The following TAF1A variants were observed in gnomAD, a reference collection of about 807,000 sequenced individuals.
The protein encoded by TAF1A is TATA-box binding protein associated factor, RNA polymerase I subunit A.
A neutral mutation model predicts 61.6 loss-of-function variants in TAF1A; 42 were observed. The ratio of observed to expected loss-of-function variants is 0.68; its 90% CI spans 0.53 to 0.88. The LOEUF is 0.88. TAF1A is among the 40% of genes least tolerant of loss of function. TAF1A has a pLI of 0.00. For synonymous variants in TAF1A, 179 were observed against 177.7 expected, an observed-to-expected ratio of 1.01 and a Z score of -0.06; for missense variants, 424 against 518.7, an observed-to-expected ratio of 0.82 and a Z score of 1.77.
chr1:222,580,943 G>A (rs902836970), intron 3 of TAF1A, among the ~76,000 whole-genome samples: 4 of 152,080 alleles, frequency 2.6e-5, no homozygotes, highest in Non-Finnish European at 4.4e-5. Flanking sequence ...ACGAGGTCAG[G>A]AGAGTGAGAC....
intron 2 of TAF1A, 121 bp downstream of exon 2, chr1:222,588,322 C>A: frequency 7.8e-7 from 1 of 1,281,378 alleles, no homozygotes. Flanking sequence ...GGCTTTTAGC[C>A]AAAAAACCCT....
At chr1:222,563,425 A>G (rs1659992776) in intron 8 of TAF1A, 129 bp from the exon 9 acceptor site, 3 of 1,043,974 alleles carry the variant, frequency 2.9e-6, no homozygotes, top group Non-Finnish European at 4.1e-6. Context: ...ACTGAATCAT[A>G]AGCCTTCTGG....
intron 2 of TAF1A, among the ~76,000 whole-genome samples, chr1:222,585,562 T>C (rs760798857): frequency 1.3e-5 from 2 of 152,092 alleles, no homozygotes; most frequent in Non-Finnish European, 2.9e-5. Flanking sequence ...ATCCTTCCTT[T>C]TGGCCTCCCA....
chr1:222,570,164 T>G (rs1041264863), intron 6 of TAF1A, among the ~76,000 whole-genome samples: 1 of 152,218 alleles, frequency 6.6e-6, no homozygotes, highest in Middle Eastern at 3.2e-3. Context: ...GACATTCTTA[T>G]GAACTTCCAA....
At chr1:222,588,819 T>C (rs1303398865) in intron 1 of TAF1A, among the ~76,000 whole-genome samples, 1 of 152,084 alleles carries the variant, frequency 6.6e-6, no homozygotes, top group Non-Finnish European at 1.5e-5. Context: ...CCCCTCTAAT[T>C]TAAAAAATCT....
chr1:222,568,219 T>C (rs1288921891), intron 7 of TAF1A, among the ~76,000 whole-genome samples: 3 of 145,128 alleles, frequency 2.1e-5, no homozygotes, highest in Non-Finnish European at 4.5e-5. Flanking sequence ...TATCTTGAGA[T>C]AGGCAAATAT....
At chr1:222,561,663 T>C (rs1659922800) in intron 9 of TAF1A, 145 bp from the exon 10 acceptor site, 1 of 735,766 alleles carries the variant, frequency 1.4e-6, no homozygotes, top group Non-Finnish European at 2.1e-6. Context: ...GCATAACACA[T>C]GATTGGCAAC....
chr1:222,579,715 A>G (rs1380632790), intron 4 of TAF1A, 44 bp downstream of exon 4: 1 of 1,580,748 alleles, frequency 6.3e-7, no homozygotes, highest in South Asian at 1.2e-5. Context: ...TTAGAAAAAA[A>G]AAAGAATACT....
In TAF1A at chr1:222,569,681, A is replaced by C. The variant is rs776924268; in HGVS notation, c.736-13T>G. ...AGAATTCCAGCATCTATATAAAATA[A>C]ATCATAATATCTTAGCTGAATTCTG... On this transcript the variant is annotated splice_polypyrimidine_tract_variant and intron_variant, in intron 6 of 10. Transcript: ENST00000352967. The C allele has an allele frequency of 6.9e-6, 11 of 1,603,166 alleles. No individual in the cohort carries two copies. Among genetic ancestry groups the C allele is most frequent in the Non-Finnish European group, 9.4e-6 (11 of 1,176,282 alleles).
Position 222,577,585 on chromosome 1 carries a change from C to T in TAF1A, c.464G>A (p.Arg155Lys). The change falls in exon 5 of 11, where the codon AGA becomes AAA. Residue 155 changes from arginine (R) to lysine (K), a missense_variant. Transcript: ENST00000352967. ...CCATGTCTCTGCCTCACTCAGATTTCTCTTAGCATCTTTAAGCATTCCATG... is the reference window on the plus strand; with the variant it reads ...CCATGTCTCTGCCTCACTCAGATTTTTCTTAGCATCTTTAAGCATTCCATG... ...LHHGMLKDAK[R>K]NLSEAETWRH... 6.2e-7 allele frequency: 1 copy of T among 1,614,012 alleles called. No individual in the cohort carries two copies. Among genetic ancestry groups the T allele is most frequent in the Non-Finnish European group, 8.5e-7 (1 of 1,179,938 alleles).
chr1:222,567,654 A>G (rs531425610), intron 7 of TAF1A, among the ~76,000 whole-genome samples: 1 of 152,346 alleles, frequency 6.6e-6, no homozygotes, highest in East Asian at 1.9e-4. Flanking sequence ...TTGAGATGTC[A>G]ATTCTCTCAA....
intron 10 of TAF1A, among the ~76,000 whole-genome samples, chr1:222,560,500 G>C (rs115606199): frequency 9.6e-4 from 146 of 152,294 alleles, no homozygotes; most frequent in African/African-American, 3.5e-3. Context: ...TCTGCTCAAA[G>C]AGACCTCTTG....
chr1:222,573,096 C>T (rs1660426200), intron 5 of TAF1A, among the ~76,000 whole-genome samples: 1 of 152,064 alleles, frequency 6.6e-6, no homozygotes, highest in Admixed American at 6.5e-5. Flanking sequence ...TGGTGAAACC[C>T]CATTTCTACT....
At chr1:222,572,220 A>G (rs954583840) in intron 5 of TAF1A, among the ~76,000 whole-genome samples, 2 of 67,086 alleles carry the variant, frequency 3.0e-5, no homozygotes, top group African/African-American at 2.1e-4. Context: ...CTCAGTCTCA[A>G]AAAAAAAAAA....
chr1:222,589,717 C>T lies in TAF1A; in HGVS notation c.-3+10G>A, dbSNP rs1015202669. On this transcript the variant is annotated intron_variant, in intron 1 of 10. Transcript: ENST00000352967. ...ACGCAGGAACCACGGGCGATATCTG[C>T]GGCACTTACCCGCCTAAATTTAGAG... 2 of 222,536 alleles carry T rather than the reference C, an allele frequency of 9.0e-6. No homozygotes were observed. The highest frequency in any genetic ancestry group is 1.4e-3 in the Middle Eastern group (1 of 704). 13.8% of individuals were successfully genotyped at this position (222,536 alleles called of 1,614,324 possible). A position where few individuals can be genotyped will look rare whatever the true frequency, so the allele number is the denominator to read the frequency against.
intron 2 of TAF1A, among the ~76,000 whole-genome samples, chr1:222,587,906 G>A (rs1283990844): frequency 6.6e-6 from 1 of 151,952 alleles, no homozygotes; most frequent in Non-Finnish European, 1.5e-5. Flanking sequence ...ACAAAAACTA[G>A]CCAGGCGTGG....
intron 9 of TAF1A, 116 bp downstream of exon 9, chr1:222,563,057 G>T: frequency 9.9e-7 from 1 of 1,011,068 alleles, no homozygotes; most frequent in Admixed American, 2.7e-5. Context: ...AACAGCTGAA[G>T]ACACAATTCA....
chr1:222,577,311 G>A (rs1209043558), intron 5 of TAF1A, 134 bp downstream of exon 5: 3 of 675,528 alleles, frequency 4.4e-6, no homozygotes, highest in Non-Finnish European at 7.4e-6. Context: ...AAAGGATCAA[G>A]AATTTTAAAT....
chr1:222,575,644 C>A (rs1364740032), intron 5 of TAF1A, among the ~76,000 whole-genome samples: 2 of 152,136 alleles, frequency 1.3e-5, no homozygotes, highest in Non-Finnish European at 2.9e-5. Context: ...GCAAGAAAGT[C>A]CCAAGCTGAC....
Sources: allele counts gnomAD v4.1 joint callset (sites outside exome capture counted in the v4.1 genomes callset), GRCh38; gene constraint gnomAD v4.1.1; transcripts MANE v1.5; gene names NCBI Gene and HGNC (gene_info 2026-07-23, HGNC 2026-07-21).